The following AEBP2 variants were observed in gnomAD, a reference collection of about 807,000 sequenced individuals.
AEBP2 encodes the protein AE binding protein 2, also known as zinc finger protein AEBP2.
Under a neutral mutation model 50.8 loss-of-function variants are expected in AEBP2, and 10 were observed. The observed-to-expected ratio is 0.20, with a 90% confidence interval of 0.12 to 0.33. The LOEUF is 0.33. Ranked by LOEUF, AEBP2 falls within the 10% of genes least tolerant of loss-of-function variation. The probability of loss-of-function intolerance (pLI) is 1.00; values close to 1 mark genes in which losing one functional copy is unlikely to be tolerated. For missense variants in AEBP2, 570 were observed against 688.0 expected, an observed-to-expected ratio of 0.83 and a Z score of 1.92; for synonymous variants, 296 against 261.3, an observed-to-expected ratio of 1.13 and a Z score of -1.28.
At chr12:19,441,285 A>G (rs1947954181) in intron 1 of AEBP2, among the ~76,000 whole-genome samples, 1 of 152,214 alleles carries the variant, frequency 6.6e-6, no homozygotes, top group East Asian at 1.9e-4. Flanking sequence ...CAGAACATTT[A>G]AAAAGTGTGA....
chr12:19,412,799 G>A (rs931097734), intron 1 of AEBP2, among the ~76,000 whole-genome samples: 2 of 151,858 alleles, frequency 1.3e-5, no homozygotes, highest in African/African-American at 4.8e-5. Flanking sequence ...TTCAGGGAGA[G>A]TCCGCAGTGC....
intron 3 of AEBP2, among the ~76,000 whole-genome samples, chr12:19,474,171 TTA>T (rs1392250000): frequency 6.6e-6 from 1 of 152,198 alleles, no homozygotes; most frequent in African/African-American, 2.4e-5. Context: ...TGGGAAATCT[TTA>T]TAAAGAGCAA....
At chr12:19,488,653 C>T (rs1428671240) in intron 3 of AEBP2, among the ~76,000 whole-genome samples, 7 of 152,042 alleles carry the variant, frequency 4.6e-5, no homozygotes. Context: ...AGAAGGACTT[C>T]TGGGAATATG....
At chr12:19,429,016 G>T (rs917990483) in intron 1 of AEBP2, among the ~76,000 whole-genome samples, 2 of 152,186 alleles carry the variant, frequency 1.3e-5, no homozygotes, top group African/African-American at 4.8e-5. Flanking sequence ...TAGGATACAT[G>T]TGCACAACGT....
intron 6 of AEBP2, among the ~76,000 whole-genome samples, chr12:19,513,959 TA>T (rs1335779947): frequency 6.6e-6 from 1 of 150,428 alleles, no homozygotes; most frequent in Non-Finnish European, 1.5e-5. Context: ...TTTTTTTTTT[TA>T]AATGGACTTT....
intron 1 of AEBP2, among the ~76,000 whole-genome samples, chr12:19,431,797 T>C (rs1019508685): frequency 6.6e-6 from 1 of 152,218 alleles, no homozygotes; most frequent in Non-Finnish European, 1.5e-5. Context: ...TTTTTATGCA[T>C]ACTTTCTTTA....
intron 7 of AEBP2, among the ~76,000 whole-genome samples, chr12:19,517,059 T>C (rs1352340011): frequency 6.6e-6 from 1 of 152,174 alleles, no homozygotes; most frequent in Admixed American, 6.5e-5. Context: ...AACTTAATTT[T>C]GACTCTAAAC....
At chr12:19,504,385 C>G (rs1470091322) in intron 5 of AEBP2, among the ~76,000 whole-genome samples, 2 of 151,556 alleles carry the variant, frequency 1.3e-5, no homozygotes, top group East Asian at 3.9e-4. Flanking sequence ...CAGGCGCCCC[C>G]CCCACCACGC....
chr12:19,512,843 G>A (rs550919368), intron 6 of AEBP2, among the ~76,000 whole-genome samples: 9 of 152,054 alleles, frequency 5.9e-5, no homozygotes, highest in Non-Finnish European at 1.2e-4. Context: ...AGCTGCTCGG[G>A]AGGCTGAGGC....
intron 2 of AEBP2, among the ~76,000 whole-genome samples, chr12:19,463,414 G>A (rs1197650318): frequency 6.6e-6 from 1 of 152,042 alleles, no homozygotes; most frequent in African/African-American, 2.4e-5. Flanking sequence ...ATCACACTTA[G>A]TGCATTTTTC....
At chr12:19,514,566 C>T (rs545530323) in intron 6 of AEBP2, 105 bp from the exon 7 acceptor site, 20 of 842,368 alleles carry the variant, frequency 2.4e-5, no homozygotes, top group Admixed American at 1.1e-4. Context: ...GTTCACTTAA[C>T]GTGGACTGAT....
chr12:19,491,829 CTG>C (rs1209452435), intron 3 of AEBP2, among the ~76,000 whole-genome samples: 2 of 152,056 alleles, frequency 1.3e-5, no homozygotes, highest in Non-Finnish European at 2.9e-5. Context: ...ATATACATCT[CTG>C]TGTTCAAAAT....
At chr12:19,470,790 G>A (rs929975567) in intron 2 of AEBP2, among the ~76,000 whole-genome samples, 1 of 152,134 alleles carries the variant, frequency 6.6e-6, no homozygotes, top group Non-Finnish European at 1.5e-5. Flanking sequence ...TTATTTCGAA[G>A]GAACTAAATC....
chr12:19,474,010 A>G (rs1250241053), intron 3 of AEBP2, among the ~76,000 whole-genome samples: 1 of 152,062 alleles, frequency 6.6e-6, no homozygotes, highest in African/African-American at 2.4e-5. Context: ...AGGTTTCGGC[A>G]TTTTCATTAG....
chr12:19,453,506 C>T lies in AEBP2; in HGVS notation c.672-9004C>T, dbSNP rs118168159. On this transcript the variant is annotated intron_variant, in intron 1 of 7. Coordinates refer to ENST00000266508, the MANE Select transcript of AEBP2 (RefSeq NM_153207.5). ...TCGATTGAGCTCAGCTCACTGTAGC[C>T]TCCGCTTCCTGGGTTCAAACGATTC... is the stretch of plus-strand genomic sequence containing the variant. Among the ~76,000 whole-genome samples the T allele has an allele frequency of 1.1e-4, 17 of 151,744 alleles. 1 individual carries two copies. The East Asian group carries it at 3.3e-3, about 30-fold the overall frequency.
At chr12:19,505,502 T>G (rs1949143220) in intron 5 of AEBP2, among the ~76,000 whole-genome samples, 1 of 152,192 alleles carries the variant, frequency 6.6e-6, no homozygotes, top group Non-Finnish European at 1.5e-5. Flanking sequence ...TTGTAAAAAC[T>G]TGTAATGAGG....
upstream of AEBP2, among the ~76,000 whole-genome samples, chr12:19,439,410 G>A (rs1947897556): frequency 6.7e-6 from 1 of 149,446 alleles, no homozygotes; most frequent in Non-Finnish European, 1.5e-5. Context: ...CTGGGCAGCG[G>A]GGCGGGCGCC....
At chr12:19,407,918 G>T (rs953369311) in intron 1 of AEBP2, among the ~76,000 whole-genome samples, 1 of 151,924 alleles carries the variant, frequency 6.6e-6, no homozygotes, top group Non-Finnish European at 1.5e-5. Flanking sequence ...CGGCTAGGTG[G>T]TGCATGCCTG....
intron 1 of AEBP2, among the ~76,000 whole-genome samples, chr12:19,429,771 G>A (rs1460655103): frequency 6.6e-5 from 10 of 151,436 alleles, no homozygotes; most frequent in Non-Finnish European, 1.2e-4. Flanking sequence ...CTGCATAAAT[G>A]TCTTCTTTTG....
Sources: allele counts gnomAD v4.1 joint callset (sites outside exome capture counted in the v4.1 genomes callset), GRCh38; gene constraint gnomAD v4.1.1; transcripts MANE v1.5; gene names NCBI Gene and HGNC (gene_info 2026-07-23, HGNC 2026-07-21).